Variants in FMN1 observed in about 807,000 individuals in gnomAD.
FMN1 encodes formin 1, also known as formin-1.
FMN1 carries 110 observed loss-of-function variants against 132.4 expected under a neutral mutation model. That is an observed-to-expected ratio of 0.83 (90% CI 0.71 to 0.97). FMN1 has a LOEUF of 0.97. FMN1 is among the 50% of genes least tolerant of loss of function. The pLI, the probability that FMN1 is intolerant of heterozygous loss-of-function variation, is 0.00. For synonymous variants in FMN1, 722 were observed against 651.7 expected (o/e 1.11, Z -1.64); for missense variants, 1,792 against 1,705.3 (o/e 1.05, Z -0.90).
intron 17 of FMN1, among the ~76,000 whole-genome samples, chr15:32,845,284 T>C (rs896471942): frequency 5.3e-5 from 8 of 152,210 alleles, no homozygotes; most frequent in Non-Finnish European, 1.0e-4. Flanking sequence ...AGCTCAATAC[T>C]GATTCCATAA....
intron 6 of FMN1, among the ~76,000 whole-genome samples, chr15:33,017,701 G>A (rs2035139321): frequency 6.6e-6 from 1 of 152,170 alleles, no homozygotes; most frequent in Non-Finnish European, 1.5e-5. Context: ...CAAAAGATGG[G>A]GGGAAACTTC....
chr15:32,806,665 C>T (rs1431105821), intron 17 of FMN1, among the ~76,000 whole-genome samples: 1 of 152,204 alleles, frequency 6.6e-6, no homozygotes, highest in African/African-American at 2.4e-5. Context: ...CCCTTCCTTT[C>T]CAGCTTCGCT....
At chr15:32,879,687 TCA>T (rs2059717524) in intron 16 of FMN1, among the ~76,000 whole-genome samples, 2 of 151,848 alleles carry the variant, frequency 1.3e-5, no homozygotes, top group Non-Finnish European at 1.5e-5. Context: ...CAGTTGAGAG[TCA>T]CAGAGGCTAA....
At chr15:32,814,506 A>T (rs1484913924) in intron 17 of FMN1, among the ~76,000 whole-genome samples, 1 of 152,200 alleles carries the variant, frequency 6.6e-6, no homozygotes, top group Non-Finnish European at 1.5e-5. Context: ...TCATTCAGAC[A>T]GCAGACACCA....
At chr15:32,876,224 T>C (rs2059633957) in intron 16 of FMN1, among the ~76,000 whole-genome samples, 1 of 152,250 alleles carries the variant, frequency 6.6e-6, no homozygotes, top group Admixed American at 6.5e-5. Context: ...TTGTTCTTTT[T>C]ATTGAAATTA....
chr15:32,868,423 A>G (rs2059441887), intron 16 of FMN1, among the ~76,000 whole-genome samples: 1 of 152,218 alleles, frequency 6.6e-6, no homozygotes, highest in Admixed American at 6.5e-5. Context: ...CGTAGACGCC[A>G]TAGGCTATAC....
intron 2 of FMN1, among the ~76,000 whole-genome samples, chr15:33,181,708 T>A (rs1965707876): frequency 1.3e-5 from 1 of 74,474 alleles, no homozygotes; most frequent in Admixed American, 1.2e-4. Context: ...TTTTTCTTTC[T>A]TTTTTTTTTT....
intron 4 of FMN1, among the ~76,000 whole-genome samples, chr15:33,120,217 C>T (rs1355982995): frequency 6.6e-6 from 1 of 152,184 alleles, no homozygotes; most frequent in Non-Finnish European, 1.5e-5. Context: ...TTTTGCTCTA[C>T]GGCTTTGAAG....
intron 9 of FMN1, among the ~76,000 whole-genome samples, chr15:32,959,432 TTC>T (rs1185537328): frequency 0.011 from 1,719 of 152,340 alleles, 26 homozygotes; most frequent in African/African-American, 0.039. Context: ...CTGGCATCAA[TTC>T]AGCTTGCTAT....
At chr15:33,116,648 G>A (rs532179867) in intron 4 of FMN1, among the ~76,000 whole-genome samples, 2 of 152,022 alleles carry the variant, frequency 1.3e-5, no homozygotes, top group Non-Finnish European at 2.9e-5. Flanking sequence ...CTCCATTCCA[G>A]CCTCTTCCAG....
At chr15:33,039,775 G>C (rs2036345429) in intron 6 of FMN1, among the ~76,000 whole-genome samples, 1 of 152,052 alleles carries the variant, frequency 6.6e-6, no homozygotes, top group Non-Finnish European at 1.5e-5. Context: ...TTACCACTCG[G>C]TGTCATGAAT....
At chr15:32,952,637 ATG>A (rs2061679038) in intron 9 of FMN1, among the ~76,000 whole-genome samples, 1 of 152,190 alleles carries the variant, frequency 6.6e-6, no homozygotes, top group African/African-American at 2.4e-5. Context: ...GTAAAAAGTG[ATG>A]TGATAATTAG....
intron 7 of FMN1, among the ~76,000 whole-genome samples, chr15:32,979,287 G>C (rs539992334): frequency 6.6e-6 from 1 of 152,244 alleles, no homozygotes; most frequent in African/African-American, 2.4e-5. Flanking sequence ...CCGGCATGGT[G>C]GTTCACACCT....
chr15:32,769,140 A>C lies in FMN1; in HGVS notation c.*5170T>G, dbSNP rs1160065966. ...ATTGGTAGAAATTGCATAGTGGCTT[A>C]AGAGACAGTTAGCCAGCTGCCATTT... On this transcript the variant is annotated 3_prime_UTR_variant, in exon 21 of 21. Coordinates refer to ENST00000616417, the MANE Select transcript of FMN1 (RefSeq NM_001277313.2). 1 of 152,232 alleles carries C rather than the reference A, an allele frequency of 6.6e-6. No individual in the cohort carries two copies. Among genetic ancestry groups the C allele is most frequent in the Non-Finnish European group, 1.5e-5 (1 of 68,042 alleles). The allele number at this position is 152,232 out of a possible 1,614,324, so 9.4% of individuals were successfully genotyped here.
At chr15:33,048,640 A>AAAAAAAC (rs2036810812) in intron 6 of FMN1, among the ~76,000 whole-genome samples, 1 of 147,300 alleles carries the variant, frequency 6.8e-6, no homozygotes, top group East Asian at 1.9e-4. Flanking sequence ...CCAAAAAAAA[A>AAAAAAAC]AAAAAAAAAC....
At chr15:33,008,603 G>A (rs1437221564) in intron 6 of FMN1, among the ~76,000 whole-genome samples, 1 of 152,198 alleles carries the variant, frequency 6.6e-6, no homozygotes, top group Non-Finnish European at 1.5e-5. Flanking sequence ...TCATTTGGAT[G>A]AGAGATTCTA....
chr15:33,095,540 G>A (rs28505971), intron 4 of FMN1, among the ~76,000 whole-genome samples: 8,790 of 152,070 alleles, frequency 0.058, 837 homozygotes, highest in African/African-American at 0.2. Flanking sequence ...GACAACAGGT[G>A]TGCACCACCA....
At chr15:33,174,877 A>G (rs1286190753) in intron 3 of FMN1, among the ~76,000 whole-genome samples, 1 of 152,230 alleles carries the variant, frequency 6.6e-6, no homozygotes, top group African/African-American at 2.4e-5. Flanking sequence ...AGCCAAGTGC[A>G]ATTCTTCAAT....
chr15:33,018,494 C>G (rs1054158246), intron 6 of FMN1, among the ~76,000 whole-genome samples: 3 of 152,196 alleles, frequency 2.0e-5, no homozygotes, highest in Admixed American at 6.5e-5. Flanking sequence ...CGTGAGAACC[C>G]AAGAGGACTG....
Sources: gnomAD v4.1 joint callset for allele counts (sites outside exome capture counted in the v4.1 genomes callset) on GRCh38, gnomAD v4.1.1 for gene constraint, MANE v1.5 for transcripts, NCBI Gene and HGNC (gene_info 2026-07-23, HGNC 2026-07-21) for gene names.